Variants in GNB1 observed in about 807,000 individuals in gnomAD.
The protein encoded by GNB1 is G protein subunit beta 1, also known as guanine nucleotide-binding protein G(I)/G(S)/G(T) subunit beta-1.
Under a neutral mutation model 42.9 loss-of-function variants are expected in GNB1, and 2 were observed. The ratio of observed to expected loss-of-function variants is 0.05; its 90% confidence interval spans 0.02 to 0.15. The LOEUF (loss-of-function observed/expected upper bound fraction) is 0.15. Ranked by LOEUF, GNB1 falls within the 10% of genes least tolerant of loss-of-function variation. The pLI is 1.00. For synonymous variants in GNB1, 183 were observed against 174.7 expected, an observed-to-expected ratio of 1.05 and a Z score of -0.38; for missense variants, 193 against 462.2, an observed-to-expected ratio of 0.42 and a Z score of 5.34.
intron 1 of GNB1, chr1:1,890,319 C>G (rs1650413621): frequency 6.6e-6 from 1 of 151,744 alleles, no homozygotes; most frequent in Non-Finnish European, 1.5e-5. Flanking sequence ...CATTGTTCCC[C>G]TTCCCCACGC....
chr1:1,828,322 G>A (rs1647027352), intron 2 of GNB1, among the ~76,000 whole-genome samples: 1 of 151,950 alleles, frequency 6.6e-6, no homozygotes, highest in Non-Finnish European at 1.5e-5. Flanking sequence ...ACTCTGTCTC[G>A]AGAAAAAAAG....
intron 3 of GNB1, among the ~76,000 whole-genome samples, chr1:1,822,144 C>A (rs1646937698): frequency 6.6e-6 from 1 of 151,986 alleles, no homozygotes; most frequent in Admixed American, 6.6e-5. Flanking sequence ...GGGTTAATTC[C>A]ACCCGTTTCT....
At chr1:1,829,231 A>G (rs973775943) in intron 2 of GNB1, among the ~76,000 whole-genome samples, 1 of 152,002 alleles carries the variant, frequency 6.6e-6, no homozygotes, top group Middle Eastern at 3.4e-3. Flanking sequence ...TAGTTTTTGT[A>G]TTTTTAGTAG....
At chr1:1,797,445 C>CT (rs980428038) in intron 7 of GNB1, among the ~76,000 whole-genome samples, 126 of 146,940 alleles carry the variant, frequency 8.6e-4, no homozygotes, top group Admixed American at 1.7e-3. Flanking sequence ...TCCAAAATTC[C>CT]TTTTTTTTTT....
intron 1 of GNB1, among the ~76,000 whole-genome samples, chr1:1,871,361 G>A (rs564393321): frequency 1.3e-5 from 2 of 152,158 alleles, no homozygotes; most frequent in African/African-American, 2.4e-5. Context: ...TCAAGAGGCT[G>A]AGGCAGGAGT....
chr1:1,804,633 C>T, intron 6 of GNB1, 52 bp from the exon 7 acceptor site: 1 of 1,379,414 alleles, frequency 7.2e-7, no homozygotes, highest in Non-Finnish European at 9.9e-7. Flanking sequence ...AAAAACAACA[C>T]TGACACCAGG....
intron 1 of GNB1, among the ~76,000 whole-genome samples, chr1:1,875,276 CA>C (rs1469480294): frequency 2.6e-5 from 4 of 152,094 alleles, no homozygotes; most frequent in African/African-American, 9.6e-5. Flanking sequence ...ACTGCAACCT[CA>C]ACCTCTCCAG....
intron 8 of GNB1, among the ~76,000 whole-genome samples, chr1:1,792,031 C>G (rs1646487367): frequency 6.6e-6 from 1 of 152,032 alleles, no homozygotes; most frequent in Admixed American, 6.6e-5. Context: ...CTGGGCACAG[C>G]TCCTGCCACC....
At chr1:1,872,759 T>G (rs1649318409) in intron 1 of GNB1, among the ~76,000 whole-genome samples, 1 of 152,106 alleles carries the variant, frequency 6.6e-6, no homozygotes, top group Admixed American at 6.6e-5. Context: ...AGGCCCAAAC[T>G]TCGCTTCTTC....
chr1:1,852,764 C>G (rs111519350), intron 1 of GNB1, among the ~76,000 whole-genome samples: 1 of 151,972 alleles, frequency 6.6e-6, no homozygotes, highest in African/African-American at 2.4e-5. Context: ...GTGCAACTTA[C>G]GGGCCTACCC....
intron 1 of GNB1, among the ~76,000 whole-genome samples, chr1:1,841,592 T>C (rs1447943184): frequency 6.6e-6 from 1 of 152,246 alleles, no homozygotes; most frequent in African/African-American, 2.4e-5. Flanking sequence ...ATTCAGTGTC[T>C]TGTGAGTCTG....
At chr1:1,864,478 A>T (rs560404836) in intron 1 of GNB1, among the ~76,000 whole-genome samples, 15 of 151,992 alleles carry the variant, frequency 9.9e-5, no homozygotes, top group Non-Finnish European at 1.8e-4. Context: ...GGTTTCTCCC[A>T]CTATCATCAC....
At chr1:1,864,314 CAAAAA>C (rs1173466617) in intron 1 of GNB1, among the ~76,000 whole-genome samples, 3 of 37,936 alleles carry the variant, frequency 7.9e-5, no homozygotes, top group East Asian at 1.2e-3. Context: ...AAGACTCTCT[CAAAAA>C]AAAAAAAAAA....
intron 1 of GNB1, among the ~76,000 whole-genome samples, chr1:1,861,609 G>C (rs966349457): frequency 6.6e-6 from 1 of 151,936 alleles, no homozygotes; most frequent in Non-Finnish European, 1.5e-5. Flanking sequence ...GGTTGGTGGT[G>C]GGGGAGAAGT....
Position 1,789,293 on chromosome 1 carries a change from A to C in GNB1, c.700-24T>G, listed in dbSNP as rs536380136. ...AACTGGAAAGAGAAAGCAAATCAAG[A>C]CATCATGTAAACGCTCAGAAAGAAA... On this transcript the variant is annotated intron_variant, in intron 9 of 11. Coordinates refer to ENST00000378609, the MANE Select transcript of GNB1 (RefSeq NM_002074.5). 7.5e-6 allele frequency: 10 copies of C among 1,333,730 alleles called. No homozygotes were observed. In the East Asian group the frequency reaches 1.4e-4, roughly 18 times the overall value. The allele number at this position is 1,333,730 out of a possible 1,614,324, so 82.6% of individuals were successfully genotyped here. A position where few individuals can be genotyped will look rare whatever the true frequency, so the allele number is the denominator to read the frequency against.
At chr1:1,888,037 AGAATTAACT>A in intron 1 of GNB1, among the ~76,000 whole-genome samples, 1 of 152,346 alleles carries the variant, frequency 6.6e-6, no homozygotes, top group South Asian at 2.1e-4. Flanking sequence ...CCAAAAAAAC[AGAATTAACT>A]GAAGATATCA....
chr1:1,888,617 C>G (rs1234616482), intron 1 of GNB1, among the ~76,000 whole-genome samples: 1 of 152,130 alleles, frequency 6.6e-6, no homozygotes, highest in East Asian at 1.9e-4. Context: ...GCGGGTGAAT[C>G]ACCTGAGGTC....
intron 1 of GNB1, among the ~76,000 whole-genome samples, chr1:1,882,880 C>G (rs997345403): frequency 2.0e-5 from 3 of 150,994 alleles, no homozygotes; most frequent in African/African-American, 7.3e-5. Context: ...GAGATCATGT[C>G]ACTGCACTCC....
At chr1:1,885,608 G>C (rs1435416169) in intron 1 of GNB1, among the ~76,000 whole-genome samples, 1 of 133,692 alleles carries the variant, frequency 7.5e-6, no homozygotes, top group Non-Finnish European at 1.5e-5. Flanking sequence ...CCAGGCTGGA[G>C]TGCAGTAGCA....
Sources: gnomAD v4.1 joint callset for allele counts (sites outside exome capture counted in the v4.1 genomes callset) on GRCh38, gnomAD v4.1.1 for gene constraint, MANE v1.5 for transcripts, NCBI Gene and HGNC (gene_info 2026-07-23, HGNC 2026-07-21) for gene names.